IFT74: variants seen among roughly 807,000 people sequenced by gnomAD.
IFT74 encodes intraflagellar transport 74, also known as intraflagellar transport protein 74 homolog.
A neutral mutation model predicts 96.7 loss-of-function variants in IFT74; 92 were observed. The observed-to-expected ratio is 0.95, with a 90% CI of 0.80 to 1.13. IFT74 has a LOEUF of 1.13. IFT74 is among the 50% of genes most tolerant of loss of function. The pLI, the probability that IFT74 is intolerant of heterozygous loss-of-function variation, is 0.00. For synonymous variants in IFT74, 223 were observed against 213.2 expected, an observed-to-expected ratio of 1.05 and a Z score of -0.40; for missense variants, 811 against 698.2, an observed-to-expected ratio of 1.16 and a Z score of -1.82.
chr9:27,011,649 T>G (rs1038429914), intron 9 of IFT74, among the ~76,000 whole-genome samples: 14 of 148,912 alleles, frequency 9.4e-5, no homozygotes, highest in Admixed American at 6.8e-5. Context: ...CATGAAGTTT[T>G]TTTTTTTTTT....
intron 1 of IFT74, among the ~76,000 whole-genome samples, chr9:26,948,448 A>ATTATTATTATTTTTTTTTTT (rs1825819541): frequency 1.2e-4 from 7 of 59,162 alleles, no homozygotes; most frequent in Non-Finnish European, 7.7e-5. Flanking sequence ...GCTTTCCATT[A>ATTATTATTATTTTTTTTTTT]TTTTTTTTTT....
chr9:27,025,251 T>C (rs911151087), intron 12 of IFT74, among the ~76,000 whole-genome samples: 2 of 151,910 alleles, frequency 1.3e-5, no homozygotes, highest in Non-Finnish European at 2.9e-5. Context: ...AAGAGCAGCC[T>C]GGCCAATAAG....
At chr9:26,952,504 T>C (rs1825965965), upstream of IFT74, among the ~76,000 whole-genome samples, 1 of 152,094 alleles carries the variant, frequency 6.6e-6, no homozygotes, top group African/African-American at 2.4e-5. Flanking sequence ...CTCGAACTCT[T>C]GACCTCAGGT....
intron 2 of IFT74, among the ~76,000 whole-genome samples, chr9:26,968,679 A>C (rs1826744281): frequency 6.6e-6 from 1 of 152,122 alleles, no homozygotes. Flanking sequence ...CATTTCTTCC[A>C]GATTTTCCAA....
chr9:27,045,926 T>C lies in IFT74; in HGVS notation c.1108+1131T>C, dbSNP rs780166519. ...AACAATGTGTCATGACACCACAGTATTGGAAATTACTAGATACTACCTAGT... is the reference window on the plus strand; with the variant it reads ...AACAATGTGTCATGACACCACAGTACTGGAAATTACTAGATACTACCTAGT... On this transcript the variant is annotated intron_variant, in intron 14 of 19. Coordinates refer to ENST00000380062, the MANE Select transcript of IFT74 (RefSeq NM_025103.4). Among the ~76,000 whole-genome samples, 6 of 152,266 alleles carry C rather than the reference T, an allele frequency of 3.9e-5. No individual in the cohort carries two copies. In the South Asian group the frequency reaches 6.2e-4, roughly 16 times the overall value.
At chr9:27,026,206 G>T (rs558519181) in intron 12 of IFT74, among the ~76,000 whole-genome samples, 1 of 152,134 alleles carries the variant, frequency 6.6e-6, no homozygotes, top group East Asian at 1.9e-4. Context: ...AGACAAAACA[G>T]ACTTTAACAA....
chr9:27,011,854 A>G lies in IFT74; in HGVS notation c.727-52A>G, dbSNP rs557911861. 1.2e-5 allele frequency: 16 copies of G among 1,302,532 alleles called. No individual in the cohort carries two copies. The South Asian group carries it at 2.5e-4, about 20-fold the overall frequency. The allele number at this position is 1,302,532 out of a possible 1,614,324, so 80.7% of individuals were successfully genotyped here. Reference sequence around the variant, plus strand: ...CCAGCTCCCTCCCCCCACTACAACAAATTATTCTTAATGTAATTTGGATTT... The same window carrying G: ...CCAGCTCCCTCCCCCCACTACAACAGATTATTCTTAATGTAATTTGGATTT... On this transcript the variant is annotated intron_variant, in intron 9 of 19. Transcript: ENST00000380062.
At chr9:26,960,066 G>C (rs1826286316) in intron 1 of IFT74, among the ~76,000 whole-genome samples, 1 of 152,044 alleles carries the variant, frequency 6.6e-6, no homozygotes, top group South Asian at 2.1e-4. Flanking sequence ...CCCTTGTCAA[G>C]GTATCACTAG....
At chr9:26,961,883 G>C in intron 1 of IFT74, 66 bp from the exon 2 acceptor site, 1 of 1,532,304 alleles carries the variant, frequency 6.5e-7, no homozygotes, top group Non-Finnish European at 9.0e-7. Flanking sequence ...GTAAGGGTAT[G>C]ATGGGTCATT....
chr9:27,054,342 G>A (rs1820065466), intron 16 of IFT74, among the ~76,000 whole-genome samples: 2 of 152,116 alleles, frequency 1.3e-5, no homozygotes, highest in Non-Finnish European at 2.9e-5. Context: ...TAATTGAAAG[G>A]CATATCTTTA....
chr9:26,967,859 C>T (rs925938303), intron 2 of IFT74, among the ~76,000 whole-genome samples: 5 of 152,266 alleles, frequency 3.3e-5, no homozygotes, highest in Admixed American at 3.3e-4. Flanking sequence ...TTTTGTCCTT[C>T]AGTCTGATGG....
intron 13 of IFT74, among the ~76,000 whole-genome samples, chr9:27,032,836 A>C (rs1830186298): frequency 6.6e-6 from 1 of 152,088 alleles, no homozygotes. Flanking sequence ...ACTGCACTCC[A>C]GCCTTGGGCG....
intron 2 of IFT74, among the ~76,000 whole-genome samples, chr9:26,974,975 C>G (rs189409966): frequency 1.1e-3 from 169 of 152,164 alleles, no homozygotes; most frequent in Non-Finnish European, 2.0e-3. Context: ...TTTTGGATAT[C>G]CTTTTTACAT....
intron 13 of IFT74, among the ~76,000 whole-genome samples, chr9:27,040,802 G>A (rs968193399): frequency 6.6e-6 from 1 of 152,080 alleles, no homozygotes; most frequent in Non-Finnish European, 1.5e-5. Context: ...GATTGGGATA[G>A]CCACCTATTT....
chr9:27,035,747 A>G (rs1225086455), intron 13 of IFT74, among the ~76,000 whole-genome samples: 1 of 152,242 alleles, frequency 6.6e-6, no homozygotes, highest in Non-Finnish European at 1.5e-5. Context: ...ACATAATTAG[A>G]TAATAAAAAT....
chr9:26,984,415 G>A, intron 5 of IFT74, 60 bp downstream of exon 5: 2 of 1,578,660 alleles, frequency 1.3e-6, no homozygotes, highest in South Asian at 1.2e-5. Flanking sequence ...TAACTTTGTA[G>A]CTATCCATAT....
At chr9:26,947,749 T>C (rs922338987) in intron 1 of IFT74, among the ~76,000 whole-genome samples, 16 of 152,222 alleles carry the variant, frequency 1.1e-4, no homozygotes, top group African/African-American at 3.9e-4. Context: ...TTTCAAGTTA[T>C]CTGAATCTCC....
At chr9:27,040,073 A>G (rs1056123935) in intron 13 of IFT74, among the ~76,000 whole-genome samples, 2 of 152,220 alleles carry the variant, frequency 1.3e-5, no homozygotes, top group Admixed American at 6.5e-5. Flanking sequence ...AATGTGATAC[A>G]GCCTTGAAAA....
At chr9:27,052,075 T>G (rs189366544) in intron 16 of IFT74, among the ~76,000 whole-genome samples, 263 of 152,350 alleles carry the variant, frequency 1.7e-3, no homozygotes, top group African/African-American at 5.9e-3. Flanking sequence ...TTTTCCCCCT[T>G]TAAGCTATCT....
Sources: allele counts gnomAD v4.1 joint callset (sites outside exome capture counted in the v4.1 genomes callset), GRCh38; gene constraint gnomAD v4.1.1; transcripts MANE v1.5; gene names NCBI Gene and HGNC (gene_info 2026-07-23, HGNC 2026-07-21).